Variants in NPAS3 observed in about 807,000 individuals in gnomAD.
NPAS3 encodes the protein neuronal PAS domain protein 3, also known as neuronal PAS domain-containing protein 3.
A neutral mutation model predicts 73.1 loss-of-function variants in NPAS3; 14 were observed. The ratio of observed to expected loss-of-function variants is 0.19; its 90% CI spans 0.13 to 0.30. The LOEUF is 0.30. NPAS3 is among the 10% of genes least tolerant of loss of function. The pLI is 1.00. For synonymous variants in NPAS3, 620 were observed against 541.5 expected (o/e 1.14, Z -2.01); for missense variants, 1,096 against 1,250.0 (o/e 0.88, Z 1.86).
intron 5 of NPAS3, among the ~76,000 whole-genome samples, chr14:33,630,328 A>G (rs540300352): frequency 1.6e-4 from 25 of 152,202 alleles, no homozygotes; most frequent in African/African-American, 3.6e-4. Flanking sequence ...GAGTTACTGA[A>G]TATTTAATTC....
chr14:33,323,514 C>T (rs999472866), intron 3 of NPAS3, among the ~76,000 whole-genome samples: 11 of 152,076 alleles, frequency 7.2e-5, no homozygotes, highest in South Asian at 2.1e-4. Flanking sequence ...CTAGTGAATA[C>T]GTGGAAGATG....
rs568104585 is a variant in NPAS3 at position 33,301,960 on chromosome 14, C to A, written c.386-65226C>A. Among the ~76,000 whole-genome samples the A allele has an allele frequency of 8.5e-5, 13 of 152,212 alleles. No homozygotes were observed. In the South Asian group the frequency reaches 2.7e-3, roughly 32 times the overall value. On this transcript the variant is annotated intron_variant, in intron 3 of 11. Transcript: ENST00000356141. ...GTAGTTGTTCCAAGTGAACACTGGC[C>A]TATTTCTGACATGACTTGGAAGCTG... is the stretch of plus-strand genomic sequence containing the variant.
chr14:33,560,337 G>A (rs2055580903), intron 5 of NPAS3, 127 bp downstream of exon 5: 2 of 519,622 alleles, frequency 3.8e-6, no homozygotes, highest in East Asian at 6.0e-5. Flanking sequence ...GGCTTTACCT[G>A]ACTGTTCTCT....
chr14:33,721,927 A>C (rs149620052), intron 6 of NPAS3, among the ~76,000 whole-genome samples: 2,654 of 152,264 alleles, frequency 0.017, 61 homozygotes, highest in African/African-American at 0.061. Flanking sequence ...CAGCCTACTG[A>C]TACTGATGGA....
chr14:33,198,099 G>C (rs1486759657), intron 2 of NPAS3, among the ~76,000 whole-genome samples: 1 of 152,062 alleles, frequency 6.6e-6, no homozygotes, highest in East Asian at 1.9e-4. Context: ...TCCTCCCAGT[G>C]GGGGGTTCGT....
intron 1 of NPAS3, among the ~76,000 whole-genome samples, chr14:33,055,550 A>C (rs1316977392): frequency 6.6e-6 from 1 of 152,244 alleles, no homozygotes; most frequent in South Asian, 2.1e-4. Context: ...TATAACAAAA[A>C]CACTAATGAC....
intron 6 of NPAS3, among the ~76,000 whole-genome samples, chr14:33,712,326 G>T (rs545530870): frequency 6.6e-6 from 1 of 152,146 alleles, no homozygotes; most frequent in African/African-American, 2.4e-5. Flanking sequence ...TAACTGATCT[G>T]TATTCTATAA....
intron 1 of NPAS3, among the ~76,000 whole-genome samples, chr14:32,963,966 T>A (rs149125476): frequency 2.1e-4 from 32 of 152,106 alleles, no homozygotes; most frequent in African/African-American, 7.7e-4. Flanking sequence ...TTTTTCGCTA[T>A]CCTTCCTTGG....
Position 33,687,816 on chromosome 14 carries a change from A to T in NPAS3, c.733+11431A>T, listed in dbSNP as rs79391243. On this transcript the variant is annotated intron_variant, in intron 6 of 11. Transcript: ENST00000356141. ...GCCAGGCTTTGTCCTAGATTCCGGG[A>T]TGGGGTAGTTACCAAAAATGTCTCT... Among the ~76,000 whole-genome samples the T allele has an allele frequency of 5.5e-3, 835 of 152,140 alleles. 8 individuals carry two copies. Among genetic ancestry groups the T allele is most frequent in the African/African-American group, 0.019 (777 of 41,510 alleles).
chr14:33,440,177 G>T (rs889526793), intron 4 of NPAS3, among the ~76,000 whole-genome samples: 5 of 151,838 alleles, frequency 3.3e-5, no homozygotes, highest in Admixed American at 3.3e-4. Flanking sequence ...GAAGCCGGAT[G>T]GAACCTGTGA....
chr14:33,802,392 G>GAAAAAAAAAAA (rs1161378596), downstream of NPAS3: 1 of 92,192 alleles, frequency 1.1e-5, no homozygotes. Flanking sequence ...AAAAAAAAAA[G>GAAAAAAAAAAA]AAAAAAAAAA....
At position 33,781,445 on chromosome 14, in the gene NPAS3, T is replaced by G. The variant is rs1266867315; in HGVS notation, c.1153+2873T>G. 2.6e-5 allele frequency among the ~76,000 whole-genome samples: 4 copies of G among 152,354 alleles called. No homozygotes were observed. In the East Asian group the frequency reaches 5.8e-4, roughly 22 times the overall value. On this transcript the variant is annotated intron_variant, in intron 9 of 11. Coordinates refer to ENST00000356141, the Ensembl canonical transcript of NPAS3. ...TGACAGACCATGTAATAAGTCTTGG[T>G]TGTGTAAACACTGGAAGAAAAGGCA...
chr14:33,452,818 G>C (rs1443428939), intron 4 of NPAS3, among the ~76,000 whole-genome samples: 1 of 141,246 alleles, frequency 7.1e-6, no homozygotes, highest in African/African-American at 2.7e-5. Flanking sequence ...ATAATGTACA[G>C]CCTGATGATG....
intron 4 of NPAS3, among the ~76,000 whole-genome samples, chr14:33,472,040 A>G (rs982290004): frequency 6.6e-5 from 10 of 152,226 alleles, no homozygotes; most frequent in Non-Finnish European, 1.0e-4. Flanking sequence ...CTCTGCCCTC[A>G]TGGAGCTTGT....
At chr14:33,433,248 A>T (rs1279960315) in intron 4 of NPAS3, among the ~76,000 whole-genome samples, 1 of 152,206 alleles carries the variant, frequency 6.6e-6, no homozygotes, top group East Asian at 1.9e-4. Context: ...TCATATTATT[A>T]TCAATTATAT....
At chr14:33,430,554 C>T (rs1416617789) in intron 4 of NPAS3, among the ~76,000 whole-genome samples, 1 of 152,092 alleles carries the variant, frequency 6.6e-6, no homozygotes, top group Non-Finnish European at 1.5e-5. Context: ...CCCGGGGTGT[C>T]TGCACTGTGA....
At chr14:32,940,507 T>G (rs893653619) in intron 1 of NPAS3, among the ~76,000 whole-genome samples, 25 of 152,242 alleles carry the variant, frequency 1.6e-4, no homozygotes, top group African/African-American at 5.8e-4. Flanking sequence ...TCTTTCTGTC[T>G]CCGAAGAGGA....
At chr14:33,651,315 T>C (rs749938280) in intron 5 of NPAS3, among the ~76,000 whole-genome samples, 1 of 152,208 alleles carries the variant, frequency 6.6e-6, no homozygotes, top group Non-Finnish European at 1.5e-5. Flanking sequence ...TTCTTCCTGG[T>C]ACCCCGATCA....
intron 4 of NPAS3, among the ~76,000 whole-genome samples, chr14:33,457,442 A>G (rs1041932654): frequency 6.6e-6 from 1 of 152,226 alleles, no homozygotes; most frequent in African/African-American, 2.4e-5. Context: ...GTCAACATTT[A>G]CAGGGTTCTA....
Sources: gnomAD v4.1 joint callset for allele counts (sites outside exome capture counted in the v4.1 genomes callset) on GRCh38, gnomAD v4.1.1 for gene constraint, MANE v1.5 for transcripts, NCBI Gene and HGNC (gene_info 2026-07-23, HGNC 2026-07-21) for gene names.